Variants in PIBF1 observed in about 807,000 individuals in gnomAD.
PIBF1 encodes progesterone-induced-blocking factor 1.
Under a neutral mutation model 112.5 loss-of-function variants are expected in PIBF1, and 90 were observed. The observed-to-expected ratio is 0.80, with a 90% CI of 0.67 to 0.95. The LOEUF (loss-of-function observed/expected upper bound fraction) is 0.95. PIBF1 is among the 40% of genes least tolerant of loss of function. The probability of loss-of-function intolerance (pLI) is 0.00; values close to 1 mark genes in which losing one functional copy is unlikely to be tolerated. For missense variants in PIBF1, 915 were observed against 852.3 expected (o/e 1.07, Z -0.92); for synonymous variants, 301 against 288.6 (o/e 1.04, Z -0.44).
intron 12 of PIBF1, among the ~76,000 whole-genome samples, chr13:72,911,768 A>C (rs2040901447): frequency 1.3e-5 from 2 of 152,188 alleles, no homozygotes; most frequent in South Asian, 4.1e-4. Flanking sequence ...GAAAATATTC[A>C]CAAAACATAG....
At chr13:72,980,601 C>A (rs1338877214) in intron 16 of PIBF1, among the ~76,000 whole-genome samples, 2 of 152,000 alleles carry the variant, frequency 1.3e-5, no homozygotes, top group Admixed American at 6.6e-5. Context: ...TCAAGACCAG[C>A]CTGGCCAACA....
chr13:72,807,171 T>G (rs1453445838), intron 5 of PIBF1, among the ~76,000 whole-genome samples: 1 of 96,480 alleles, frequency 1.0e-5, no homozygotes, highest in Non-Finnish European at 2.4e-5. Context: ...AGGTGAAGGA[T>G]AAGAGCCAAA....
intron 14 of PIBF1, among the ~76,000 whole-genome samples, chr13:72,952,157 G>A (rs987919800): frequency 1.3e-5 from 2 of 150,380 alleles, no homozygotes; most frequent in African/African-American, 4.9e-5. Flanking sequence ...AGGTTCAAGC[G>A]ATTATCCCAC....
At chr13:72,930,578 T>C (rs1322589456) in intron 13 of PIBF1, among the ~76,000 whole-genome samples, 1 of 152,224 alleles carries the variant, frequency 6.6e-6, no homozygotes, top group Non-Finnish European at 1.5e-5. Context: ...CAATAAGTTA[T>C]GGTAATGCAG....
At chr13:72,819,507 C>T (rs2036443665) in intron 5 of PIBF1, among the ~76,000 whole-genome samples, 1 of 152,064 alleles carries the variant, frequency 6.6e-6, no homozygotes, top group Non-Finnish European at 1.5e-5. Context: ...TATACTTTCT[C>T]CACTTTTACT....
intron 2 of PIBF1, among the ~76,000 whole-genome samples, chr13:72,785,460 C>G (rs1391249135): frequency 6.6e-6 from 1 of 152,178 alleles, no homozygotes; most frequent in African/African-American, 2.4e-5. Flanking sequence ...AACAAAGCCA[C>G]TAGGTGGTTA....
At chr13:72,813,399 C>G (rs760750927) in intron 5 of PIBF1, among the ~76,000 whole-genome samples, 1 of 152,110 alleles carries the variant, frequency 6.6e-6, no homozygotes, top group Non-Finnish European at 1.5e-5. Context: ...GTTCCAGTTA[C>G]GTATTGCTGC....
At chr13:73,013,037 C>T (rs1310474921) in intron 17 of PIBF1, among the ~76,000 whole-genome samples, 2 of 151,472 alleles carry the variant, frequency 1.3e-5, no homozygotes, top group African/African-American at 2.4e-5. Context: ...CGCGGTGGCT[C>T]ACGCCTGTAA....
chr13:72,894,074 A>C (rs1347653601), intron 11 of PIBF1, 125 bp downstream of exon 11: 2 of 474,926 alleles, frequency 4.2e-6, no homozygotes, highest in East Asian at 3.5e-5. Context: ...AAAAAAAAAA[A>C]AAAAACAAGG....
chr13:72,847,666 A>C (rs1462606475), intron 9 of PIBF1, among the ~76,000 whole-genome samples: 2 of 152,134 alleles, frequency 1.3e-5, no homozygotes, highest in Non-Finnish European at 2.9e-5. Flanking sequence ...CAATGATCTC[A>C]AAAAGTTTCT....
chr13:72,882,323 C>T (rs1194398759), intron 10 of PIBF1, among the ~76,000 whole-genome samples: 4 of 152,112 alleles, frequency 2.6e-5, no homozygotes. Flanking sequence ...TCTAAGACCT[C>T]AAACTATAAA....
intron 10 of PIBF1, among the ~76,000 whole-genome samples, chr13:72,872,585 C>T (rs2039214242): frequency 2.0e-5 from 3 of 152,020 alleles, no homozygotes; most frequent in South Asian, 4.1e-4. Context: ...TAATATTGTG[C>T]TAAATGTTTT....
intron 17 of PIBF1, among the ~76,000 whole-genome samples, chr13:73,010,810 C>CTTTATTTTTTTTTTTTTTTTTTT (rs2044174573): frequency 2.5e-5 from 1 of 40,280 alleles, no homozygotes; most frequent in Non-Finnish European, 4.4e-5. Context: ...ATTAACTTTT[C>CTTTATTTTTTTTTTTTTTTTTTT]TTTTTTTTTT....
intron 14 of PIBF1, among the ~76,000 whole-genome samples, 171 bp downstream of exon 14, chr13:72,931,438 A>G (rs754528715): frequency 1.1e-4 from 16 of 152,284 alleles, no homozygotes; most frequent in Admixed American, 2.0e-4. Flanking sequence ...CTTACAGTGT[A>G]TGGCAAAACT....
intron 15 of PIBF1, among the ~76,000 whole-genome samples, chr13:72,969,396 C>A (rs573027480): frequency 1.6e-4 from 25 of 152,264 alleles, no homozygotes; most frequent in Admixed American, 5.2e-4. Context: ...TCTTGTGTTT[C>A]ATAAATTAAT....
At chr13:72,973,904 C>G in intron 16 of PIBF1, 1 of 468,582 alleles carries the variant, frequency 2.1e-6, no homozygotes. Flanking sequence ...ACTGAATTTC[C>G]CCATATTATT....
chr13:72,980,821 AAAAG>A (rs973030831), intron 16 of PIBF1, among the ~76,000 whole-genome samples: 1 of 151,966 alleles, frequency 6.6e-6, no homozygotes, highest in Admixed American at 6.6e-5. Flanking sequence ...AAAAAAAAGA[AAAAG>A]AAAAAGATGC....
intron 16 of PIBF1, among the ~76,000 whole-genome samples, chr13:72,986,688 T>A (rs2043297687): frequency 7.0e-6 from 1 of 142,732 alleles, no homozygotes; most frequent in Non-Finnish European, 1.5e-5. Context: ...TTTTTTTTTT[T>A]TTTTTTTTTT....
At chr13:72,976,734 C>T (rs1037137756) in intron 16 of PIBF1, among the ~76,000 whole-genome samples, 33 of 152,144 alleles carry the variant, frequency 2.2e-4, no homozygotes, top group Non-Finnish European at 4.3e-4. Context: ...TGGTGTGACC[C>T]CCTAGAAATG....
Sources: gnomAD v4.1 joint callset for allele counts (sites outside exome capture counted in the v4.1 genomes callset) on GRCh38, gnomAD v4.1.1 for gene constraint, MANE v1.5 for transcripts, NCBI Gene and HGNC (gene_info 2026-07-23, HGNC 2026-07-21) for gene names.